PTPRD: variants seen among roughly 807,000 people sequenced by gnomAD.
The protein encoded by PTPRD is protein tyrosine phosphatase receptor type D, also known as receptor-type tyrosine-protein phosphatase delta.
In PTPRD, 34 loss-of-function variants were observed where a neutral mutation model predicts 214.5. That is an observed-to-expected ratio of 0.16 (90% CI 0.12 to 0.21). The LOEUF (loss-of-function observed/expected upper bound fraction) is 0.21, where lower values mean the gene tolerates loss of function less well. PTPRD is among the 10% of genes least tolerant of loss of function. The pLI, the probability that PTPRD is intolerant of heterozygous loss-of-function variation, is 1.00. For synonymous variants in PTPRD, 1,128 were observed against 845.7 expected (o/e 1.33, Z -5.79); for missense variants, 2,545 against 2,398.7 (o/e 1.06, Z -1.27).
At chr9:9,316,083 A>G (rs1028458389) in intron 9 of PTPRD, among the ~76,000 whole-genome samples, 1 of 151,990 alleles carries the variant, frequency 6.6e-6, no homozygotes, top group Non-Finnish European at 1.5e-5. Context: ...AAAACTCTAC[A>G]TATTGACAGT....
At chr9:9,494,234 G>C (rs1405707867) in intron 8 of PTPRD, among the ~76,000 whole-genome samples, 1 of 152,248 alleles carries the variant, frequency 6.6e-6, no homozygotes, top group East Asian at 1.9e-4. Flanking sequence ...GAATATTTTT[G>C]ACATGGCAAC....
intron 10 of PTPRD, among the ~76,000 whole-genome samples, chr9:9,056,996 G>C (rs2099697461): frequency 6.6e-6 from 1 of 152,132 alleles, no homozygotes; most frequent in Non-Finnish European, 1.5e-5. Flanking sequence ...TGCTTTTGCA[G>C]TCTCATCTTA....
chr9:9,506,625 CT>C (rs1210233189), intron 8 of PTPRD, among the ~76,000 whole-genome samples: 1 of 151,242 alleles, frequency 6.6e-6, no homozygotes, highest in African/African-American at 2.4e-5. Flanking sequence ...CAGCATATTC[CT>C]TTTTTTAAAA....
chr9:9,413,440 T>C (rs990868024), intron 8 of PTPRD, among the ~76,000 whole-genome samples: 12 of 152,176 alleles, frequency 7.9e-5, no homozygotes, highest in African/African-American at 2.9e-4. Flanking sequence ...AAATCATGTT[T>C]CTACATTTAA....
chr9:10,029,858 G>A (rs1384952484), intron 4 of PTPRD, among the ~76,000 whole-genome samples: 4 of 152,160 alleles, frequency 2.6e-5, no homozygotes, highest in Non-Finnish European at 5.9e-5. Context: ...GCCAGGGACA[G>A]AAAGATGTGG....
intron 14 of PTPRD, among the ~76,000 whole-genome samples, chr9:8,625,681 T>C (rs577144554): frequency 1.3e-5 from 2 of 151,592 alleles, no homozygotes; most frequent in African/African-American, 4.8e-5. Flanking sequence ...AAATCTACTG[T>C]GTTAAAGGGT....
chr9:8,570,003 G>C (rs2090613536), intron 14 of PTPRD, among the ~76,000 whole-genome samples: 2 of 152,084 alleles, frequency 1.3e-5, no homozygotes, highest in Admixed American at 1.3e-4. Context: ...CCGTAATGAA[G>C]TTGTAGTGGA....
At chr9:8,596,142 G>C (rs1480782874) in intron 14 of PTPRD, among the ~76,000 whole-genome samples, 3 of 151,952 alleles carry the variant, frequency 2.0e-5, no homozygotes, top group African/African-American at 7.2e-5. Flanking sequence ...GTAATGTGAG[G>C]TTCACCAATC....
chr9:9,854,304 G>A (rs970937009), intron 5 of PTPRD, among the ~76,000 whole-genome samples: 2 of 152,038 alleles, frequency 1.3e-5, no homozygotes, highest in Admixed American at 6.6e-5. Context: ...ACAAGACAGA[G>A]CTTATCTTTA....
chr9:9,789,750 T>A (rs1461208150), intron 5 of PTPRD, among the ~76,000 whole-genome samples: 1 of 125,854 alleles, frequency 7.9e-6, no homozygotes, highest in African/African-American at 3.2e-5. Flanking sequence ...TGAGCCGAGA[T>A]TGCGCCACTG....
At chr9:10,191,636 C>A (rs1353852891) in intron 3 of PTPRD, among the ~76,000 whole-genome samples, 1 of 152,102 alleles carries the variant, frequency 6.6e-6, no homozygotes, top group African/African-American at 2.4e-5. Context: ...CTCTCTTTCC[C>A]CCAAATGTCC....
intron 11 of PTPRD, chr9:8,958,894 C>T (rs1457962350): frequency 6.6e-6 from 1 of 151,940 alleles, no homozygotes; most frequent in Non-Finnish European, 1.5e-5. Context: ...CCTGAAAGTC[C>T]ACACCTCCTT....
chr9:8,981,716 A>AT lies in PTPRD; in HGVS notation c.-104+36980dup, dbSNP rs763046353. Among the ~76,000 whole-genome samples the AT allele has an allele frequency of 4.6e-4, 69 of 151,464 alleles. 1 individual carries two copies. Among genetic ancestry groups the AT allele is most frequent in the South Asian group, 1.7e-3 (8 of 4,786 alleles). ...AATTTCTTTTTCTCCTCCTTATAGGATTTTTTTTTGAGGACTAAATGAGAT... is the reference window on the plus strand; with the variant it reads ...AATTTCTTTTTCTCCTCCTTATAGGATTTTTTTTTTGAGGACTAAATGAGAT... On this transcript the variant is annotated intron_variant, in intron 11 of 45. Transcript: ENST00000381196.
chr9:10,152,280 T>G (rs142878508), intron 3 of PTPRD, among the ~76,000 whole-genome samples: 2 of 152,202 alleles, frequency 1.3e-5, no homozygotes, highest in Admixed American at 1.3e-4. Context: ...AAAAATAATT[T>G]TGAATATCTT....
At chr9:9,629,827 A>G (rs1009262985) in intron 7 of PTPRD, among the ~76,000 whole-genome samples, 1 of 152,234 alleles carries the variant, frequency 6.6e-6, no homozygotes, top group Non-Finnish European at 1.5e-5. Context: ...AGCTTACAAG[A>G]AGGAAAAACC....
intron 14 of PTPRD, among the ~76,000 whole-genome samples, chr9:8,589,102 C>T (rs558385006): frequency 6.6e-6 from 1 of 152,280 alleles, no homozygotes; most frequent in Admixed American, 6.5e-5. Flanking sequence ...ATACCATCAA[C>T]ATTATTCAGA....
At chr9:9,635,599 A>C (rs2095740095) in intron 7 of PTPRD, among the ~76,000 whole-genome samples, 1 of 152,154 alleles carries the variant, frequency 6.6e-6, no homozygotes, top group Non-Finnish European at 1.5e-5. Context: ...TAAGGAACTC[A>C]AATGCAGTAC....
chr9:9,904,745 G>C (rs1386752523), intron 5 of PTPRD, among the ~76,000 whole-genome samples: 2 of 152,032 alleles, frequency 1.3e-5, no homozygotes, highest in Non-Finnish European at 2.9e-5. Context: ...TTTTTAATTT[G>C]AGAAAATGTA....
At chr9:9,275,778 C>T (rs1352325875) in intron 9 of PTPRD, among the ~76,000 whole-genome samples, 1 of 151,136 alleles carries the variant, frequency 6.6e-6, no homozygotes. Flanking sequence ...CACCTCCCTC[C>T]CTTTAGAACA....
Sources: gnomAD v4.1 joint callset for allele counts (sites outside exome capture counted in the v4.1 genomes callset) on GRCh38, gnomAD v4.1.1 for gene constraint, MANE v1.5 for transcripts, NCBI Gene and HGNC (gene_info 2026-07-23, HGNC 2026-07-21) for gene names.